Variants in MYRFL observed in about 807,000 individuals in gnomAD.
The protein encoded by MYRFL is myelin regulatory factor like, also known as myelin regulatory factor-like protein.
A neutral mutation model predicts 109.4 loss-of-function variants in MYRFL; 88 were observed. The ratio of observed to expected loss-of-function variants is 0.80; its 90% CI spans 0.68 to 0.96. The LOEUF is 0.96. Ranked by LOEUF, MYRFL falls within the 40% of genes least tolerant of loss-of-function variation. The pLI is 0.00. For synonymous variants in MYRFL, 324 were observed against 320.9 expected, an observed-to-expected ratio of 1.01 and a Z score of -0.10; for missense variants, 957 against 954.9, an observed-to-expected ratio of 1.00 and a Z score of -0.03.
At chr12:69,957,010 A>T (rs1037839421) in intron 22 of MYRFL, among the ~76,000 whole-genome samples, 2 of 151,726 alleles carry the variant, frequency 1.3e-5, no homozygotes, top group Non-Finnish European at 2.9e-5. Flanking sequence ...TTTACAAACC[A>T]TTTTTCGTAA....
At chr12:69,883,882 A>G (rs1400007100) in intron 5 of MYRFL, among the ~76,000 whole-genome samples, 1 of 151,246 alleles carries the variant, frequency 6.6e-6, no homozygotes, top group Non-Finnish European at 1.5e-5. Context: ...TCTAAAAAAG[A>G]AAAAAAAAGA....
intron 10 of MYRFL, among the ~76,000 whole-genome samples, chr12:69,903,255 C>G (rs1361676055): frequency 1.3e-5 from 2 of 152,054 alleles, no homozygotes; most frequent in African/African-American, 4.8e-5. Context: ...TTTAGTACAC[C>G]TGTAATATTT....
At chr12:69,901,089 A>T (rs555799205) in intron 10 of MYRFL, among the ~76,000 whole-genome samples, 1 of 152,348 alleles carries the variant, frequency 6.6e-6, no homozygotes, top group South Asian at 2.1e-4. Flanking sequence ...GAGAAAGATT[A>T]AGTGGCTGCC....
At chr12:69,852,230 A>G (rs1883917555) in intron 1 of MYRFL, among the ~76,000 whole-genome samples, 3 of 152,216 alleles carry the variant, frequency 2.0e-5, no homozygotes, top group African/African-American at 4.8e-5. Flanking sequence ...AATAATGTGT[A>G]GTAAGGTTTT....
intron 1 of MYRFL, among the ~76,000 whole-genome samples, chr12:69,843,728 G>A (rs549383454): frequency 6.6e-6 from 1 of 152,222 alleles, no homozygotes; most frequent in Non-Finnish European, 1.5e-5. Flanking sequence ...AAGAGCAGCA[G>A]TACATGTTAC....
At chr12:69,939,025 C>A (rs4255579) in intron 19 of MYRFL, among the ~76,000 whole-genome samples, 12 of 152,076 alleles carry the variant, frequency 7.9e-5, no homozygotes, top group African/African-American at 2.2e-4. Flanking sequence ...TATCCCGCAC[C>A]TGGCTCGGAG....
At chr12:69,933,242 A>AG (rs1213354673) in intron 16 of MYRFL, among the ~76,000 whole-genome samples, 1 of 151,896 alleles carries the variant, frequency 6.6e-6, no homozygotes, top group Non-Finnish European at 1.5e-5. Flanking sequence ...GCTAGAATGC[A>AG]GGGCCCTTTC....
chr12:69,936,252 TTTCA>T, intron 17 of MYRFL, 27 bp from the exon 18 acceptor site: 2 of 1,536,000 alleles, frequency 1.3e-6, no homozygotes, highest in East Asian at 2.4e-5. Flanking sequence ...TGCAGCCCTC[TTTCA>T]TTAATCATTT....
In MYRFL at chr12:69,926,475, A is replaced by G. The variant is rs540945711; in HGVS notation, c.1603-96A>G. On this transcript the variant is annotated intron_variant, in intron 13 of 24. Coordinates refer to ENST00000552032, the MANE Select transcript of MYRFL (RefSeq NM_182530.3). ...ATGTGTGTGTCTGTAACCATTTTCA[A>G]CAGTATAATCCAGCTGTCTTTGAAT... 5.7e-5 allele frequency: 61 copies of G among 1,061,632 alleles called. 2 individuals carry two copies. In the South Asian group the frequency reaches 2.3e-3, roughly 40 times the overall value. 65.8% of individuals were successfully genotyped at this position (1,061,632 alleles called of 1,614,324 possible).
intron 19 of MYRFL, among the ~76,000 whole-genome samples, chr12:69,937,928 G>A (rs960891371): frequency 2.6e-5 from 4 of 152,174 alleles, no homozygotes; most frequent in African/African-American, 9.7e-5. Flanking sequence ...TAGTTTACAT[G>A]AGTAAATCAT....
At chr12:69,952,004 G>C (rs1955989488) in intron 19 of MYRFL, 109 bp from the exon 20 acceptor site, 9 of 838,060 alleles carry the variant, frequency 1.1e-5, no homozygotes, top group Non-Finnish European at 1.7e-5. Flanking sequence ...ATGGGAGACA[G>C]AAAGGGTGGG....
At chr12:69,865,662 G>A (rs981513809) in intron 2 of MYRFL, among the ~76,000 whole-genome samples, 2 of 152,132 alleles carry the variant, frequency 1.3e-5, no homozygotes, top group African/African-American at 4.8e-5. Context: ...ATACTTTGGG[G>A]TATTGTGTTC....
intron 13 of MYRFL, among the ~76,000 whole-genome samples, chr12:69,913,800 T>C (rs1472161720): frequency 1.3e-5 from 2 of 152,196 alleles, no homozygotes; most frequent in East Asian, 3.8e-4. Flanking sequence ...AGATCCCACG[T>C]GAATTTTAGA....
chr12:69,928,005 C>T (rs1174168927), intron 15 of MYRFL, among the ~76,000 whole-genome samples: 3 of 152,194 alleles, frequency 2.0e-5, no homozygotes, highest in African/African-American at 4.8e-5. Flanking sequence ...TTGTCCCCTT[C>T]AGGTGAAAGT....
At chr12:69,836,943 G>A (rs1359202498) in intron 1 of MYRFL, among the ~76,000 whole-genome samples, 1 of 151,980 alleles carries the variant, frequency 6.6e-6, no homozygotes, top group Non-Finnish European at 1.5e-5. Context: ...CAACTTCAAA[G>A]TTTCTTTCTC....
chr12:69,906,160 G>T (rs749122639), intron 11 of MYRFL, among the ~76,000 whole-genome samples: 1 of 152,130 alleles, frequency 6.6e-6, no homozygotes, highest in Non-Finnish European at 1.5e-5. Flanking sequence ...GTTTCCTCAC[G>T]CAGGAAACAC....
chr12:69,895,494 C>T lies in MYRFL; in HGVS notation c.1091+13C>T. 1 of 1,530,708 alleles carries T rather than the reference C, an allele frequency of 6.5e-7. No homozygotes were observed. Among genetic ancestry groups the T allele is most frequent in the South Asian group, 1.2e-5 (1 of 83,948 alleles). 94.8% of individuals were successfully genotyped at this position (1,530,708 alleles called of 1,614,324 possible). On this transcript the variant is annotated intron_variant, in intron 9 of 24. Coordinates refer to ENST00000552032, the MANE Select transcript of MYRFL (RefSeq NM_182530.3). ...ATCCAGACCAGAGGTACTGATGTCA[C>T]TGTGTGCATGGCAGTGTGGCTGGGT...
intron 13 of MYRFL, among the ~76,000 whole-genome samples, chr12:69,920,779 C>A (rs890454220): frequency 6.6e-6 from 1 of 152,158 alleles, no homozygotes; most frequent in South Asian, 2.1e-4. Flanking sequence ...TAAGGGATAC[C>A]CACTCTGAGC....
At chr12:69,835,457 C>T (rs1477911685) in intron 1 of MYRFL, among the ~76,000 whole-genome samples, 3 of 152,140 alleles carry the variant, frequency 2.0e-5, no homozygotes, top group East Asian at 3.8e-4. Flanking sequence ...TATATTTAAC[C>T]GCTCATAAAA....
Sources: allele counts gnomAD v4.1 joint callset (sites outside exome capture counted in the v4.1 genomes callset), GRCh38; gene constraint gnomAD v4.1.1; transcripts MANE v1.5; gene names NCBI Gene and HGNC (gene_info 2026-07-23, HGNC 2026-07-21).